LARGE1: variants seen among roughly 807,000 people sequenced by gnomAD.
LARGE1 encodes the protein LARGE xylosyl- and glucuronyltransferase 1.
A neutral mutation model predicts 87.6 loss-of-function variants in LARGE1; 43 were observed. That is an observed-to-expected ratio of 0.49 (90% CI 0.38 to 0.63). The LOEUF is 0.63. Among genes scored for constraint, LARGE1 ranks in the 30% least tolerant of loss-of-function variants. The probability of loss-of-function intolerance (pLI) is 0.00; values close to 1 mark genes in which losing one functional copy is unlikely to be tolerated. For synonymous variants in LARGE1, 434 were observed against 394.6 expected (o/e 1.10, Z -1.18); for missense variants, 802 against 1,000.2 (o/e 0.80, Z 2.67).
chr22:33,220,966 C>G (rs914082434), intron 11 of LARGE1, among the ~76,000 whole-genome samples: 2 of 152,092 alleles, frequency 1.3e-5, no homozygotes, highest in African/African-American at 4.8e-5. Context: ...CTCTTTCTCA[C>G]TCCCACAGGA....
chr22:33,220,249 G>T (rs9619334), intron 11 of LARGE1, among the ~76,000 whole-genome samples: 3,964 of 152,276 alleles, frequency 0.026, 180 homozygotes, highest in African/African-American at 0.091. Flanking sequence ...TTCTCAAAAT[G>T]ACCATCTCTC....
chr22:33,573,095 T>C (rs1039157432), intron 5 of LARGE1, among the ~76,000 whole-genome samples: 1 of 152,070 alleles, frequency 6.6e-6, no homozygotes, highest in Non-Finnish European at 1.5e-5. Context: ...GCAATGGATA[T>C]TGTTAACTGT....
At chr22:33,629,084 T>C (rs1217752119) in intron 3 of LARGE1, among the ~76,000 whole-genome samples, 1 of 152,184 alleles carries the variant, frequency 6.6e-6, no homozygotes, top group African/African-American at 2.4e-5. Flanking sequence ...GGCTAATTTA[T>C]GCATATTTTA....
At chr22:33,854,212 GAAAAAAA>G (rs67771177) in intron 1 of LARGE1, among the ~76,000 whole-genome samples, 31 of 72,714 alleles carry the variant, frequency 4.3e-4, no homozygotes, top group East Asian at 1.0e-3. Context: ...CACTTAAGGG[GAAAAAAA>G]AAAAAAAAAA....
At chr22:33,476,424 G>A (rs752934107) in intron 6 of LARGE1, among the ~76,000 whole-genome samples, 5 of 152,068 alleles carry the variant, frequency 3.3e-5, no homozygotes, top group South Asian at 2.1e-4. Context: ...CTACTACTTC[G>A]ACTTGTCCCT....
At chr22:33,227,315 T>C (rs2145643244) in intron 11 of LARGE1, among the ~76,000 whole-genome samples, 1 of 152,292 alleles carries the variant, frequency 6.6e-6, no homozygotes, top group East Asian at 1.9e-4. Flanking sequence ...TCTGCAGTGG[T>C]TCCCTTCTGC....
In LARGE1 at chr22:33,337,935, G is replaced by A. The variant is rs946657805; in HGVS notation, c.1132-134C>T. ...TGCTCATTCGCTCATTCAACATTTT[G>A]GCAGAGTGGTTAAGGGTAGGGGCTC... On this transcript the variant is annotated intron_variant, in intron 9 of 14. Transcript: ENST00000397394. The A allele has an allele frequency of 7.9e-6, 8 of 1,014,680 alleles. No individual in the cohort carries two copies. In the South Asian group the frequency reaches 9.2e-5, roughly 12 times the overall value. 62.9% of individuals were successfully genotyped at this position (1,014,680 alleles called of 1,614,324 possible). A position where few individuals can be genotyped will look rare whatever the true frequency, so the allele number is the denominator to read the frequency against.
intron 7 of LARGE1, among the ~76,000 whole-genome samples, chr22:33,411,475 A>G (rs1354531234): frequency 2.6e-5 from 4 of 152,258 alleles, no homozygotes; most frequent in African/African-American, 9.6e-5. Flanking sequence ...ACAAACAAGC[A>G]AATCACATGC....
At chr22:33,677,822 G>A (rs1007494970) in intron 2 of LARGE1, among the ~76,000 whole-genome samples, 15 of 152,144 alleles carry the variant, frequency 9.9e-5, no homozygotes, top group African/African-American at 3.6e-4. Flanking sequence ...TAGTCACATG[G>A]GAGCACAAGA....
chr22:33,283,123 G>C, intron 13 of LARGE1, 79 bp downstream of exon 13: 1 of 1,570,774 alleles, frequency 6.4e-7, no homozygotes, highest in South Asian at 1.1e-5. Context: ...CTTCCAGATC[G>C]ATAGCTTTGG....
intron 1 of LARGE1, among the ~76,000 whole-genome samples, chr22:33,771,366 G>A (rs1198189970): frequency 1.3e-5 from 2 of 151,932 alleles, no homozygotes; most frequent in African/African-American, 2.4e-5. Context: ...GAAGCCAAAT[G>A]GGGTAGGAAA....
chr22:33,916,501 A>G (rs894117661), intron 1 of LARGE1, among the ~76,000 whole-genome samples: 1 of 152,140 alleles, frequency 6.6e-6, no homozygotes, highest in Non-Finnish European at 1.5e-5. Flanking sequence ...TACTCTCCAT[A>G]CGCCAATGTG....
chr22:33,493,511 A>G (rs2069957555), intron 6 of LARGE1, among the ~76,000 whole-genome samples: 1 of 152,052 alleles, frequency 6.6e-6, no homozygotes, highest in Non-Finnish European at 1.5e-5. Context: ...TGGAGGTGAT[A>G]AAATGGTTCA....
Position 33,586,759 on chromosome 22 carries a change from GAAC to G in LARGE1, c.615+17673_615+17675del, listed in dbSNP as rs1326600618. 1.8e-4 allele frequency among the ~76,000 whole-genome samples: 27 copies of G among 152,214 alleles called. No homozygotes were observed. In the Middle Eastern group the frequency reaches 0.01, roughly 58 times the overall value. On this transcript the variant is annotated intron_variant, in intron 5 of 14. Transcript: ENST00000397394. ...GGCGTGAGCCACCGCGCCCAGCTGA[GAAC>G]AACAAGGTTACTATTCCCATTATCT...
At chr22:33,444,119 C>T (rs2067597337) in intron 6 of LARGE1, among the ~76,000 whole-genome samples, 1 of 152,240 alleles carries the variant, frequency 6.6e-6, no homozygotes, top group South Asian at 2.1e-4. Context: ...ATAAGCACTT[C>T]TGTGTAGGAT....
At chr22:33,468,328 G>T (rs2068698932) in intron 6 of LARGE1, among the ~76,000 whole-genome samples, 1 of 152,124 alleles carries the variant, frequency 6.6e-6, no homozygotes, top group Admixed American at 6.5e-5. Context: ...CCATTGATCT[G>T]GGTGCAGTGA....
At chr22:33,854,905 C>T (rs559949012) in intron 1 of LARGE1, among the ~76,000 whole-genome samples, 4 of 152,108 alleles carry the variant, frequency 2.6e-5, no homozygotes, top group Non-Finnish European at 5.9e-5. Flanking sequence ...CAAGCGAGGC[C>T]GCGTCCTTCA....
the LARGE1 span, among the ~76,000 whole-genome samples, chr22:33,138,152 C>G: frequency 6.6e-6 from 1 of 152,184 alleles, no homozygotes; most frequent in Admixed American, 6.5e-5. Context: ...CAGAGCTGAC[C>G]AAGACCGTGG....
At chr22:33,552,448 A>G (rs991200390) in intron 6 of LARGE1, among the ~76,000 whole-genome samples, 1 of 143,970 alleles carries the variant, frequency 6.9e-6, no homozygotes, top group Non-Finnish European at 1.5e-5. Context: ...AGACACAAGC[A>G]CGATATTTAT....
Sources: allele counts gnomAD v4.1 joint callset (sites outside exome capture counted in the v4.1 genomes callset), GRCh38; gene constraint gnomAD v4.1.1; transcripts MANE v1.5; gene names NCBI Gene and HGNC (gene_info 2026-07-23, HGNC 2026-07-21).